DMD: variants seen among roughly 807,000 people sequenced by gnomAD.
The protein encoded by DMD is dystrophin, also known as mutant dystrophin.
In DMD, 63 loss-of-function variants were observed where a neutral mutation model predicts 330.1. The observed-to-expected ratio is 0.19, with a 90% CI of 0.16 to 0.24. DMD has a LOEUF of 0.24. Among genes scored for constraint, DMD ranks in the 10% least tolerant of loss-of-function variants. DMD has a pLI of 1.00. For synonymous variants in DMD, 1,223 were observed against 959.8 expected, an observed-to-expected ratio of 1.27 and a Z score of -5.07; for missense variants, 3,344 against 2,684.1, an observed-to-expected ratio of 1.25 and a Z score of -5.43.
At chrX:32,561,531 GT>G (rs1267974475) in intron 16 of DMD, among the ~76,000 whole-genome samples, 3 of 111,924 alleles carry the variant, frequency 2.7e-5, no homozygotes, top group Non-Finnish European at 5.6e-5. Flanking sequence ...AGCAAAGACT[GT>G]TTGGGGAACC....
chrX:32,208,472 T>C (rs1815330212), intron 44 of DMD, among the ~76,000 whole-genome samples: 1 of 111,593 alleles, frequency 9.0e-6, no homozygotes, highest in African/African-American at 3.3e-5. Context: ...TCCTCATATA[T>C]AAGCAAGAGA....
chrX:32,463,206 G>T (rs2098389686), intron 25 of DMD, among the ~76,000 whole-genome samples: 1 of 111,565 alleles, frequency 9.0e-6, no homozygotes, highest in African/African-American at 3.3e-5. Flanking sequence ...TATGACAGTT[G>T]TGTTCAAGAA....
chrX:31,750,069 G>A (rs895157445), intron 51 of DMD, among the ~76,000 whole-genome samples: 16 of 110,336 alleles, frequency 1.5e-4, no homozygotes, highest in East Asian at 2.9e-4. Flanking sequence ...AGCAGGTTGC[G>A]AAAATTTTCT....
chrX:32,207,501 AC>A (rs1400422954), intron 44 of DMD, among the ~76,000 whole-genome samples: 1 of 112,112 alleles, frequency 8.9e-6, no homozygotes, highest in East Asian at 2.8e-4. Context: ...TAAGAGAGTT[AC>A]CTACTTATCT....
intron 42 of DMD, among the ~76,000 whole-genome samples, chrX:32,291,457 C>T (rs1167927372): frequency 8.9e-6 from 1 of 111,776 alleles, no homozygotes; most frequent in Non-Finnish European, 1.9e-5. Flanking sequence ...ATTAACACAC[C>T]TACAGTCTTA....
intron 14 of DMD, 32 bp downstream of exon 14, chrX:32,573,713 C>G (rs5928021): frequency 2.5e-6 from 3 of 1,195,321 alleles, no homozygotes; most frequent in Non-Finnish European, 3.4e-6. Context: ...CCCCCCGTGT[C>G]TTTTACAGCT....
At chrX:31,419,167 C>T (rs1220766156) in intron 60 of DMD, among the ~76,000 whole-genome samples, 1 of 106,134 alleles carries the variant, frequency 9.4e-6, no homozygotes, top group African/African-American at 3.5e-5. Context: ...TGGTCTCAGA[C>T]TCCTGGCCTC....
chrX:32,339,766 T>G (rs1046385298), intron 41 of DMD, among the ~76,000 whole-genome samples: 1 of 112,185 alleles, frequency 8.9e-6, no homozygotes, highest in Non-Finnish European at 1.9e-5. Flanking sequence ...TACCGCTTAC[T>G]ATTTCAACAT....
rs967597411 is a variant in DMD at position 33,107,315 on chromosome X, C to G, written c.32-87115G>C. Among the ~76,000 whole-genome samples the G allele has an allele frequency of 1.8e-4, 13 of 73,483 alleles. 1 individual carries two copies. The highest frequency in any genetic ancestry group is 4.5e-4 in the East Asian group (1 of 2,202). 63.8% of individuals were successfully genotyped at this position (73,483 alleles called of 115,157 possible). A position where few individuals can be genotyped will look rare whatever the true frequency, so the allele number is the denominator to read the frequency against. ...CAACAAGAGCGAAGCTCTGTCCCCC[C>G]CCCCCCCCCAACACACACAAAAAAA... is the stretch of plus-strand genomic sequence containing the variant. On this transcript the variant is annotated intron_variant, in intron 1 of 78. Transcript: ENST00000357033.
intron 59 of DMD, among the ~76,000 whole-genome samples, chrX:31,476,620 T>C (rs1233728329): frequency 9.1e-6 from 1 of 109,799 alleles, no homozygotes; most frequent in East Asian, 2.9e-4. Flanking sequence ...TCCTTATTCA[T>C]TGGATTTCAT....
chrX:33,123,114 C>T (rs780571064), intron 1 of DMD, among the ~76,000 whole-genome samples: 2 of 112,067 alleles, frequency 1.8e-5, no homozygotes, highest in Non-Finnish European at 3.8e-5. Flanking sequence ...GTATTCAGTA[C>T]AGTCACATGC....
chrX:32,150,915 C>G (rs1253800780), intron 44 of DMD, among the ~76,000 whole-genome samples: 1 of 111,054 alleles, frequency 9.0e-6, no homozygotes, highest in Admixed American at 9.6e-5. Context: ...CTACTCCTCA[C>G]TCTTGGAAGA....
chrX:32,206,461 C>A (rs2097069762), intron 44 of DMD: 1 of 537,569 alleles, frequency 1.9e-6, no homozygotes, highest in South Asian at 2.3e-5. Context: ...GATACTCCAG[C>A]CAAAAATGCA....
intron 45 of DMD, among the ~76,000 whole-genome samples, chrX:31,951,825 C>A (rs778422716): frequency 2.7e-5 from 3 of 111,380 alleles, no homozygotes; most frequent in Non-Finnish European, 5.7e-5. Context: ...CATTTGGGTT[C>A]GAGTTACTGA....
At chrX:33,157,628 T>C (rs1603365945) in intron 1 of DMD, among the ~76,000 whole-genome samples, 1 of 111,903 alleles carries the variant, frequency 8.9e-6, no homozygotes, top group Non-Finnish European at 1.9e-5. Flanking sequence ...CAAACAAATA[T>C]ATGTATTGAA....
chrX:31,936,392 C>T (rs2094925408), intron 45 of DMD, among the ~76,000 whole-genome samples: 1 of 111,404 alleles, frequency 9.0e-6, no homozygotes, highest in Non-Finnish European at 1.9e-5. Flanking sequence ...CACTATTGAG[C>T]ATTATAATTG....
intron 2 of DMD, among the ~76,000 whole-genome samples, chrX:32,877,634 C>T (rs1268220997): frequency 8.9e-6 from 1 of 111,764 alleles, no homozygotes; most frequent in African/African-American, 3.3e-5. Context: ...GTGGTCTTTG[C>T]TTCTCAAAAC....
chrX:32,214,853 C>A (rs886280389), intron 44 of DMD, among the ~76,000 whole-genome samples: 1 of 111,625 alleles, frequency 9.0e-6, no homozygotes, highest in African/African-American at 3.3e-5. Context: ...GGCATATAGT[C>A]AAAAATTACC....
At chrX:32,094,763 G>A (rs1422568126) in intron 44 of DMD, among the ~76,000 whole-genome samples, 2 of 111,110 alleles carry the variant, frequency 1.8e-5, no homozygotes, top group Non-Finnish European at 3.8e-5. Context: ...CCAAGAAATG[G>A]TGTTCATTTT....
Sources: gnomAD v4.1 joint callset for allele counts (sites outside exome capture counted in the v4.1 genomes callset) on GRCh38, gnomAD v4.1.1 for gene constraint, MANE v1.5 for transcripts, NCBI Gene and HGNC (gene_info 2026-07-23, HGNC 2026-07-21) for gene names.